SCAPER: variants seen among roughly 807,000 people sequenced by gnomAD.
The protein encoded by SCAPER is S-phase cyclin A associated protein in the ER.
A neutral mutation model predicts 182.2 loss-of-function variants in SCAPER; 98 were observed. That is an observed-to-expected ratio of 0.54 (90% confidence interval 0.46 to 0.64). The LOEUF (loss-of-function observed/expected upper bound fraction) is 0.64. Ranked by LOEUF, SCAPER falls within the 30% of genes least tolerant of loss-of-function variation. The pLI is 0.00. For synonymous variants in SCAPER, 605 were observed against 564.6 expected, an observed-to-expected ratio of 1.07 and a Z score of -1.01; for missense variants, 1,432 against 1,690.0, an observed-to-expected ratio of 0.85 and a Z score of 2.68.
intron 30 of SCAPER, 49 bp from the exon 31 acceptor site, chr15:76,351,337 A>C (rs779834382): frequency 1.3e-6 from 2 of 1,524,402 alleles, no homozygotes; most frequent in East Asian, 2.3e-5. Flanking sequence ...TGAACAGAGA[A>C]TTTCACTAAG....
chr15:76,435,451 C>T lies in SCAPER; in HGVS notation c.3079-1141G>A, dbSNP rs147696209. Among the ~76,000 whole-genome samples, 199 of 152,290 alleles carry T rather than the reference C, an allele frequency of 1.3e-3. 6 individuals are homozygous for T. The East Asian group carries it at 0.028, about 21-fold the overall frequency. Reference sequence around the variant, plus strand: ...TGAAATTTCCTGTCAAGTTCATATACATCAGTGATTCCTGATTCTTTTTCC... The same window carrying T: ...TGAAATTTCCTGTCAAGTTCATATATATCAGTGATTCCTGATTCTTTTTCC... On this transcript the variant is annotated intron_variant, in intron 25 of 31. Transcript: ENST00000563290.
At chr15:76,708,035 T>C (rs1000548525) in intron 17 of SCAPER, among the ~76,000 whole-genome samples, 1 of 152,106 alleles carries the variant, frequency 6.6e-6, no homozygotes, top group Non-Finnish European at 1.5e-5. Context: ...TAGTTGTCGC[T>C]CAGTATCCAA....
chr15:76,707,010 T>TA (rs2059300178), intron 17 of SCAPER, among the ~76,000 whole-genome samples: 1 of 152,010 alleles, frequency 6.6e-6, no homozygotes, highest in Non-Finnish European at 1.5e-5. Flanking sequence ...GTGAAAACAG[T>TA]AACACAAGGG....
At chr15:76,497,567 A>G (rs1783285503) in intron 24 of SCAPER, among the ~76,000 whole-genome samples, 1 of 152,162 alleles carries the variant, frequency 6.6e-6, no homozygotes, top group African/African-American at 2.4e-5. Flanking sequence ...AGAAAAGGTA[A>G]CAAGGAAGGA....
intron 25 of SCAPER, among the ~76,000 whole-genome samples, chr15:76,468,877 A>G (rs2049903366): frequency 6.6e-6 from 1 of 152,154 alleles, no homozygotes; most frequent in Non-Finnish European, 1.5e-5. Flanking sequence ...AAGAGGCCAG[A>G]GAATTAGCTT....
At chr15:76,555,397 T>C (rs1303013723) in intron 23 of SCAPER, among the ~76,000 whole-genome samples, 1 of 152,132 alleles carries the variant, frequency 6.6e-6, no homozygotes. Flanking sequence ...TAACCTTGAA[T>C]GGAAATAGGC....
At chr15:76,568,190 CATATATATATATATATATAT>C (rs60959582) in intron 23 of SCAPER, among the ~76,000 whole-genome samples, 4 of 138,710 alleles carry the variant, frequency 2.9e-5, no homozygotes, top group Non-Finnish European at 4.5e-5. Context: ...ATGGATCAAG[CATATATATATATATATATAT>C]ATATATATAT....
chr15:76,845,562 C>T (rs1201781567), intron 4 of SCAPER, among the ~76,000 whole-genome samples: 1 of 151,578 alleles, frequency 6.6e-6, no homozygotes, highest in East Asian at 1.9e-4. Context: ...TTTCTACATG[C>T]TAACAGTGAA....
At chr15:76,647,248 G>A (rs1362686825) in intron 21 of SCAPER, among the ~76,000 whole-genome samples, 1 of 152,194 alleles carries the variant, frequency 6.6e-6, no homozygotes, top group Non-Finnish European at 1.5e-5. Context: ...AAATTAAGTT[G>A]GGAAAAGAGA....
chr15:76,512,957 G>C (rs1412224322), intron 23 of SCAPER, among the ~76,000 whole-genome samples: 2 of 151,810 alleles, frequency 1.3e-5, no homozygotes, highest in Non-Finnish European at 2.9e-5. Flanking sequence ...TTCTGGTTAT[G>C]TGTACTTCTG....
At chr15:76,672,547 T>C (rs934321329) in intron 20 of SCAPER, among the ~76,000 whole-genome samples, 57 of 151,844 alleles carry the variant, frequency 3.8e-4, no homozygotes, top group African/African-American at 1.3e-3. Context: ...CAAAAAAAGA[T>C]TGCAATGAAA....
intron 16 of SCAPER, among the ~76,000 whole-genome samples, chr15:76,731,599 G>T (rs1598414176): frequency 6.6e-6 from 1 of 152,216 alleles, no homozygotes; most frequent in Non-Finnish European, 1.5e-5. Context: ...CTTGGCACTA[G>T]TGCCTGTACA....
chr15:76,813,428 T>C lies in SCAPER; in HGVS notation c.394-8795A>G, dbSNP rs79862500. Among the ~76,000 whole-genome samples, 11 of 151,634 alleles carry C rather than the reference T, an allele frequency of 7.3e-5. No individual in the cohort carries two copies. The East Asian group carries it at 1.7e-3, about 24-fold the overall frequency. On this transcript the variant is annotated intron_variant, in intron 5 of 31. Coordinates refer to ENST00000563290, the MANE Select transcript of SCAPER (RefSeq NM_020843.4). ...CCACTCTGGCCACTTCTAGTCAATG[T>C]AGTACTGAAAGTACTAGCAAGAGCA... is the stretch of plus-strand genomic sequence containing the variant.
chr15:76,411,921 A>G (rs1442631315), intron 26 of SCAPER, among the ~76,000 whole-genome samples: 1 of 152,092 alleles, frequency 6.6e-6, no homozygotes, highest in African/African-American at 2.4e-5. Context: ...GTATCTTTCC[A>G]TGTGTTAAAC....
chr15:76,596,440 C>G lies in SCAPER; in HGVS notation c.2712-22156G>C, dbSNP rs572253519. Among the ~76,000 whole-genome samples, 4 of 119,378 alleles carry G rather than the reference C, an allele frequency of 3.4e-5. 1 individual carries two copies. Among genetic ancestry groups the G allele is most frequent in the Admixed American group, 1.9e-4 (2 of 10,396 alleles). The allele number at this position is 119,378 out of a possible 152,430, so 78.3% of individuals were successfully genotyped here. A position where few individuals can be genotyped will look rare whatever the true frequency, so the allele number is the denominator to read the frequency against. ...AACTACTTCAAACAATAGAAAAAGACGGACTCCTCCCTAACTCATTTTATG... is the reference window on the plus strand; with the variant it reads ...AACTACTTCAAACAATAGAAAAAGAGGGACTCCTCCCTAACTCATTTTATG... On this transcript the variant is annotated intron_variant, in intron 22 of 31. Coordinates refer to ENST00000563290, the MANE Select transcript of SCAPER (RefSeq NM_020843.4).
rs537901125 is a variant in SCAPER at position 76,692,271 on chromosome 15, AAGTG to A, written c.2508+9483_2508+9486del. On this transcript the variant is annotated intron_variant, in intron 20 of 31. Coordinates refer to ENST00000563290, the MANE Select transcript of SCAPER (RefSeq NM_020843.4). ...ACCAAAGAAATTAGAAAATGAGTGG[AAGTG>A]AGTAATAATGGAAATCGTTTGTATC... Among the ~76,000 whole-genome samples the A allele has an allele frequency of 7.5e-4, 115 of 152,338 alleles. 1 individual carries two copies. Among genetic ancestry groups the A allele is most frequent in the African/African-American group, 2.7e-3 (111 of 41,580 alleles).
intron 20 of SCAPER, among the ~76,000 whole-genome samples, chr15:76,694,462 CATT>C (rs2058546329): frequency 6.6e-6 from 1 of 151,896 alleles, no homozygotes; most frequent in Admixed American, 6.6e-5. Context: ...ATATACAAAT[CATT>C]ATGTTGTGTA....
At chr15:76,534,684 A>G (rs1467085801) in intron 23 of SCAPER, among the ~76,000 whole-genome samples, 1 of 152,170 alleles carries the variant, frequency 6.6e-6, no homozygotes, top group Non-Finnish European at 1.5e-5. Flanking sequence ...GCTCCTTGGT[A>G]GAGCTTTCCT....
At chr15:76,831,804 G>A (rs749701691) in intron 5 of SCAPER, among the ~76,000 whole-genome samples, 31 of 152,096 alleles carry the variant, frequency 2.0e-4, no homozygotes, top group Non-Finnish European at 1.6e-4. Flanking sequence ...GACCTCTAGG[G>A]ACCAGAGAAC....
Sources: allele counts gnomAD v4.1 joint callset (sites outside exome capture counted in the v4.1 genomes callset), GRCh38; gene constraint gnomAD v4.1.1; transcripts MANE v1.5; gene names NCBI Gene and HGNC (gene_info 2026-07-23, HGNC 2026-07-21).